UTP18: variants seen among roughly 807,000 people sequenced by gnomAD.
UTP18 encodes the protein U3 small nucleolar RNA-associated protein 18 homolog.
A neutral mutation model predicts 61.1 loss-of-function variants in UTP18; 36 were observed. That is an observed-to-expected ratio of 0.59 (90% CI 0.45 to 0.78). UTP18 has a LOEUF of 0.78. UTP18 is among the 30% of genes least tolerant of loss of function. The pLI is 0.00. For missense variants in UTP18, 753 were observed against 693.9 expected, an observed-to-expected ratio of 1.09 and a Z score of -0.96; for synonymous variants, 282 against 251.1, an observed-to-expected ratio of 1.12 and a Z score of -1.16.
chr17:51,283,442 A>G (rs1003795744), intron 9 of UTP18, among the ~76,000 whole-genome samples: 4 of 152,170 alleles, frequency 2.6e-5, no homozygotes, highest in African/African-American at 9.7e-5. Context: ...TGCTGGGATT[A>G]TAGGTGTGAG....
chr17:51,287,928 TCCTGTAAATA>T, intron 10 of UTP18, 91 bp from the exon 11 acceptor site: 1 of 888,318 alleles, frequency 1.1e-6, no homozygotes, highest in South Asian at 3.0e-5. Context: ...GTAACATGAT[TCCTGTAAATA>T]CCAGTTTGTG....
intron 3 of UTP18, among the ~76,000 whole-genome samples, chr17:51,267,464 T>C (rs1276475293): frequency 7.9e-5 from 12 of 151,694 alleles, no homozygotes; most frequent in Admixed American, 1.3e-4. Flanking sequence ...TTTTTTGGTT[T>C]TTTTTTTTTT....
intron 11 of UTP18, among the ~76,000 whole-genome samples, chr17:51,293,608 G>GACACCCCT (rs1233129914): frequency 6.6e-6 from 1 of 151,766 alleles, no homozygotes; most frequent in Non-Finnish European, 1.5e-5. Context: ...CAAAAGATTG[G>GACACCCCT]ACACCCCTGT....
chr17:51,268,929 A>C (rs1277675024), intron 4 of UTP18, 25 bp downstream of exon 4: 11 of 1,602,726 alleles, frequency 6.9e-6, no homozygotes, highest in Non-Finnish European at 6.8e-6. Context: ...TTCTGTTTAA[A>C]TTAGTACATA....
intron 9 of UTP18, 126 bp downstream of exon 9, chr17:51,280,605 G>A (rs749142781): frequency 5.4e-5 from 44 of 818,228 alleles, no homozygotes; most frequent in Non-Finnish European, 7.7e-5. Flanking sequence ...CTTGAGGTCA[G>A]CGGGTAAGAT....
At chr17:51,278,473 G>A (rs1352695860) in intron 7 of UTP18, among the ~76,000 whole-genome samples, 1 of 152,240 alleles carries the variant, frequency 6.6e-6, no homozygotes, top group Non-Finnish European at 1.5e-5. Context: ...GAGAGAAAGC[G>A]CACCATGCGT....
chr17:51,297,008 G>A lies in UTP18; in HGVS notation c.*14+5G>A. 1 of 1,602,920 alleles carries A rather than the reference G, an allele frequency of 6.2e-7. No homozygotes were observed. The highest frequency in any genetic ancestry group is 2.3e-5 in the East Asian group (1 of 44,066). On this transcript the variant is annotated splice_donor_5th_base_variant and intron_variant, in intron 13 of 13. Coordinates refer to ENST00000225298, the MANE Select transcript of UTP18 (RefSeq NM_016001.3). ...CTTCTAAAGAGACTATTTGAAGTAA[G>A]AAAACCCTTTTCTTACAAATTCTGC...
At chr17:51,264,690 C>CTT (rs1227700509) in intron 2 of UTP18, among the ~76,000 whole-genome samples, 5 of 141,646 alleles carry the variant, frequency 3.5e-5, no homozygotes, top group Admixed American at 7.1e-5. Context: ...TCATTGTCTT[C>CTT]TTTTTTTTTT....
intron 9 of UTP18, among the ~76,000 whole-genome samples, chr17:51,282,092 TCC>T (rs1169296996): frequency 6.6e-6 from 1 of 152,202 alleles, no homozygotes; most frequent in Non-Finnish European, 1.5e-5. Context: ...ATGGGGGCCA[TCC>T]CTTGGGACAG....
chr17:51,287,912 C>T (rs1905155267), intron 10 of UTP18, 117 bp from the exon 11 acceptor site: 4 of 737,310 alleles, frequency 5.4e-6, no homozygotes, highest in African/African-American at 1.9e-5. Context: ...GATAGCTGGT[C>T]TCTTTGTAAC....
Position 51,263,524 on chromosome 17 carries a change from C to A in UTP18, c.455+138C>A. On this transcript the variant is annotated intron_variant, in intron 2 of 13. Coordinates refer to ENST00000225298, the MANE Select transcript of UTP18 (RefSeq NM_016001.3). Reference sequence around the variant, plus strand: ...ATTTGAAAGTATAGAAAAGATCTTTCATGGTTCCTGATCCCACCACCGAGG... The same window carrying A: ...ATTTGAAAGTATAGAAAAGATCTTTAATGGTTCCTGATCCCACCACCGAGG... 8.6e-6 allele frequency: 6 copies of A among 700,924 alleles called. No homozygotes were observed. The South Asian group carries it at 9.6e-5, about 11-fold the overall frequency. 43.4% of individuals were successfully genotyped at this position (700,924 alleles called of 1,614,324 possible). A position where few individuals can be genotyped will look rare whatever the true frequency, so the allele number is the denominator to read the frequency against.
chr17:51,276,451 T>A (rs1316984355), intron 6 of UTP18, among the ~76,000 whole-genome samples: 1 of 152,224 alleles, frequency 6.6e-6, no homozygotes, highest in Non-Finnish European at 1.5e-5. Flanking sequence ...ATCATGTTAG[T>A]GAATATATTC....
chr17:51,288,858 A>G (rs1220156112), intron 11 of UTP18, among the ~76,000 whole-genome samples: 2 of 152,246 alleles, frequency 1.3e-5, no homozygotes, highest in African/African-American at 2.4e-5. Flanking sequence ...GTCCTCTTCT[A>G]GTAGAGTCAC....
chr17:51,291,313 G>C (rs925081458), intron 11 of UTP18, among the ~76,000 whole-genome samples: 56 of 152,218 alleles, frequency 3.7e-4, no homozygotes, highest in African/African-American at 1.3e-3. Flanking sequence ...TCATTGGCTT[G>C]AGGGAAGATT....
intron 10 of UTP18, among the ~76,000 whole-genome samples, 154 bp from the exon 11 acceptor site, chr17:51,287,875 C>T (rs571556965): frequency 2.0e-5 from 3 of 152,276 alleles, no homozygotes; most frequent in African/African-American, 7.2e-5. Context: ...GTTGGAGGTT[C>T]TATAGGACAT....
intron 9 of UTP18, among the ~76,000 whole-genome samples, chr17:51,284,431 G>A (rs528310210): frequency 6.6e-6 from 1 of 152,106 alleles, no homozygotes; most frequent in South Asian, 2.1e-4. Context: ...TAAATTGTGT[G>A]TGTCTTCTTA....
Position 51,260,677 on chromosome 17 carries a change from C to G in UTP18, c.93C>G (p.Ala31=). 1.2e-6 allele frequency: 2 copies of G among 1,610,818 alleles called. No homozygotes were observed. The highest frequency in any genetic ancestry group is 1.7e-6 in the Non-Finnish European group (2 of 1,179,112). ...CCGGAATGAGGCCGGACTGGAAAGC[C>G]GGAGCGGGGCCAGGCGGGCCTCCCC... ...RKPGMRPDWK[A]GAGPGGPPQK... Residue 31 remains alanine, a synonymous_variant, in exon 1 of 14, where the codon GCC becomes GCG. Coordinates refer to ENST00000225298, the MANE Select transcript of UTP18 (RefSeq NM_016001.3).
chr17:51,262,646 C>G (rs1466090169), intron 1 of UTP18, among the ~76,000 whole-genome samples: 1 of 152,106 alleles, frequency 6.6e-6, no homozygotes, highest in Admixed American at 6.5e-5. Context: ...CTCCTAGGCT[C>G]AAGTGATCCT....
intron 9 of UTP18, 112 bp downstream of exon 9, chr17:51,280,591 A>C: frequency 1.1e-6 from 1 of 939,418 alleles, no homozygotes; most frequent in East Asian, 2.6e-5. Context: ...AGATGGGCAG[A>C]TCACTTGAGG....
Sources: gnomAD v4.1 joint callset for allele counts (sites outside exome capture counted in the v4.1 genomes callset) on GRCh38, gnomAD v4.1.1 for gene constraint, MANE v1.5 for transcripts, NCBI Gene and HGNC (gene_info 2026-07-23, HGNC 2026-07-21) for gene names.